Variants in CCT6A observed in about 807,000 individuals in gnomAD.
CCT6A encodes chaperonin containing TCP1 subunit 6A, also known as T-complex protein 1 subunit zeta.
In CCT6A, 6 loss-of-function variants were observed where a neutral mutation model predicts 58.6. The ratio of observed to expected loss-of-function variants is 0.10; its 90% confidence interval spans 0.06 to 0.20. The LOEUF (loss-of-function observed/expected upper bound fraction) is 0.20. Among genes scored for constraint, CCT6A ranks in the 10% least tolerant of loss-of-function variants. CCT6A has a pLI of 1.00. For synonymous variants in CCT6A, 245 were observed against 227.8 expected (o/e 1.08, Z -0.68); for missense variants, 516 against 648.8 (o/e 0.80, Z 2.22).
chr7:56,061,071 A>G, intron 11 of CCT6A, 131 bp downstream of exon 11: 1 of 942,366 alleles, frequency 1.1e-6, no homozygotes, highest in Non-Finnish European at 1.5e-6. Flanking sequence ...ACTCTAGAAC[A>G]GGTATTCCTC....
Position 56,055,636 on chromosome 7 carries a change from A to G in CCT6A, c.349A>G (p.Arg117Gly). 6.2e-7 allele frequency: 1 copy of G among 1,613,644 alleles called. No individual in the cohort carries two copies. Among genetic ancestry groups the G allele is most frequent in the South Asian group, 1.1e-5 (1 of 91,046 alleles). The change falls in exon 4 of 14, where the codon AGA becomes GGA. Residue 117 changes from arginine to glycine, a missense_variant. By Grantham distance (125) the Arg-to-Gly change is moderately radical (BLOSUM62 -2). Coordinates refer to ENST00000275603, the MANE Select transcript of CCT6A (RefSeq NM_001762.4). Reference sequence around the variant, plus strand: ...GTGTTTATTTTAGGGCCTTCATCCTAGAATAATCACTGAAGGATTTGAAGC... The same window carrying G: ...GTGTTTATTTTAGGGCCTTCATCCTGGAATAATCACTGAAGGATTTGAAGC... ...DLYISEGLHP[R>G]IITEGFEAAK...
In CCT6A at chr7:56,055,922, A is replaced by G. The variant is rs186348811; in HGVS notation, c.510+125A>G. On this transcript the variant is annotated intron_variant, in intron 4 of 13. Coordinates refer to ENST00000275603, the MANE Select transcript of CCT6A (RefSeq NM_001762.4). ...GCTGTGTAGGTTCATTTTTGTGGCAATGATACCTAATCTGTGTCTCTAAAA... is the reference window on the plus strand; with the variant it reads ...GCTGTGTAGGTTCATTTTTGTGGCAGTGATACCTAATCTGTGTCTCTAAAA... 1.8e-4 allele frequency: 118 copies of G among 658,508 alleles called. No individual in the cohort carries two copies. The African/African-American group carries it at 1.8e-3, about 10-fold the overall frequency. The allele number at this position is 658,508 out of a possible 1,614,324, so 40.8% of individuals were successfully genotyped here.
chr7:56,061,864 C>T lies in CCT6A; in HGVS notation c.1450+15C>T, dbSNP rs373766036. Reference sequence around the variant, plus strand: ...CCTGAACACAGGTAAGAGAATGCAACTGTTGTAGAGGGAAAACTAGATGTA... The same window carrying T: ...CCTGAACACAGGTAAGAGAATGCAATTGTTGTAGAGGGAAAACTAGATGTA... On this transcript the variant is annotated intron_variant, in intron 12 of 13. Coordinates refer to ENST00000275603, the MANE Select transcript of CCT6A (RefSeq NM_001762.4). 1.9e-4 allele frequency: 271 copies of T among 1,406,072 alleles called. No homozygotes were observed. Among genetic ancestry groups the T allele is most frequent in the Non-Finnish European group, 2.4e-4 (245 of 1,010,704 alleles). 87.1% of individuals were successfully genotyped at this position (1,406,072 alleles called of 1,614,324 possible). A position where few individuals can be genotyped will look rare whatever the true frequency, so the allele number is the denominator to read the frequency against.
At chr7:56,056,076 CGAG>C (rs142835226) in intron 4 of CCT6A, among the ~76,000 whole-genome samples, 3,133 of 152,036 alleles carry the variant, frequency 0.021, 86 homozygotes, top group African/African-American at 0.069. Context: ...TTTAATAAAA[CGAG>C]GAATGTTAAT....
At chr7:56,060,228 A>G in intron 9 of CCT6A, 41 bp from the exon 10 acceptor site, 1 of 1,583,796 alleles carries the variant, frequency 6.3e-7, no homozygotes, top group Non-Finnish European at 8.7e-7. Flanking sequence ...TTCACTCTGC[A>G]CAAATCCTGT....
At chr7:56,059,725 C>T (rs1794392616) in intron 9 of CCT6A, 85 bp downstream of exon 9, 2 of 710,554 alleles carry the variant, frequency 2.8e-6, no homozygotes, top group Non-Finnish European at 5.1e-6. Context: ...GGGTCTCACT[C>T]CTGCCCGGGC....
rs1262006371 is a variant in CCT6A at position 56,062,729 on chromosome 7, T to C, written c.1497T>C (p.Cys499=). 3 of 1,612,218 alleles carry C rather than the reference T, an allele frequency of 1.9e-6. No homozygotes were observed. Among genetic ancestry groups the C allele is most frequent in the Non-Finnish European group, 2.5e-6 (3 of 1,179,464 alleles). ...AAGTAGGCGTATGGGATAACTATTGTGTAAAGAAACAGCTTCTTCACTCCT... is the reference window on the plus strand; with the variant it reads ...AAGTAGGCGTATGGGATAACTATTGCGTAAAGAAACAGCTTCTTCACTCCT... ...AAEVGVWDNY[C]VKKQLLHSCT... The change falls in exon 13 of 14, where the codon TGT becomes TGC. Residue 499 remains cysteine (C), a synonymous_variant. Coordinates refer to ENST00000275603, the MANE Select transcript of CCT6A (RefSeq NM_001762.4).
Position 56,062,639 on chromosome 7 carries a change from GTTC to G in CCT6A, c.1451-41_1451-39del, listed in dbSNP as rs768925150. ...AGCAAAGCTGCACACAATATTGTTG[GTTC>G]TTACTGACTGAACTTATTTTAAGAT... is the stretch of plus-strand genomic sequence containing the variant. On this transcript the variant is annotated intron_variant, in intron 12 of 13. Transcript: ENST00000275603. 4.7e-6 allele frequency: 7 copies of G among 1,481,486 alleles called. No homozygotes were observed. The African/African-American group carries it at 9.7e-5, about 20-fold the overall frequency. 91.8% of individuals were successfully genotyped at this position (1,481,486 alleles called of 1,614,324 possible).
intron 11 of CCT6A, among the ~76,000 whole-genome samples, chr7:56,061,468 C>T (rs533691693): frequency 6.8e-6 from 1 of 147,772 alleles, no homozygotes; most frequent in Non-Finnish European, 1.5e-5. Flanking sequence ...CTCAGCCTCT[C>T]GAGTAGCTGG....
chr7:56,052,350 C>A, intron 1 of CCT6A, 72 bp from the exon 2 acceptor site: 1 of 1,399,614 alleles, frequency 7.1e-7, no homozygotes, highest in Non-Finnish European at 1.0e-6. Flanking sequence ...CTGGGAAAAG[C>A]CCGTTTTCTA....
At chr7:56,053,805 G>A (rs1030672963) in intron 2 of CCT6A, among the ~76,000 whole-genome samples, 12 of 152,222 alleles carry the variant, frequency 7.9e-5, no homozygotes, top group African/African-American at 1.9e-4. Flanking sequence ...GAAATACAGC[G>A]TAGGTAGAGA....
intron 3 of CCT6A, 190 bp from the exon 4 acceptor site, chr7:56,055,434 C>G: frequency 2.9e-6 from 2 of 678,216 alleles, no homozygotes; most frequent in African/African-American, 1.8e-5. Flanking sequence ...GCATTCATTA[C>G]CTGTTCATCT....
At chr7:56,061,019 A>C in intron 11 of CCT6A, 79 bp downstream of exon 11, 1 of 1,469,972 alleles carries the variant, frequency 6.8e-7, no homozygotes, top group East Asian at 2.3e-5. Flanking sequence ...TTTATTCATA[A>C]AGTGGATTTT....
intron 3 of CCT6A, 82 bp from the exon 4 acceptor site, chr7:56,055,542 C>T: frequency 4.3e-6 from 5 of 1,167,392 alleles, no homozygotes; most frequent in Admixed American, 1.8e-5. Context: ...CCAGAACACT[C>T]CTTCAATAAT....
intron 4 of CCT6A, 104 bp from the exon 5 acceptor site, chr7:56,056,207 A>G: frequency 1.4e-6 from 1 of 735,396 alleles, no homozygotes; most frequent in Non-Finnish European, 2.5e-6. Flanking sequence ...GACTTAAATC[A>G]GTGTAGAATT....
chr7:56,060,470 G>A, intron 10 of CCT6A, 54 bp downstream of exon 10: 2 of 1,567,000 alleles, frequency 1.3e-6, no homozygotes, highest in South Asian at 1.1e-5. Flanking sequence ...GGTCTGAAAG[G>A]CATGGCCGAA....
chr7:56,061,305 G>A (rs1283254532), intron 11 of CCT6A, among the ~76,000 whole-genome samples: 8 of 151,646 alleles, frequency 5.3e-5, no homozygotes, highest in Non-Finnish European at 1.2e-4. Flanking sequence ...GTAGTTGAGA[G>A]AGTTGATCAG....
chr7:56,052,558 C>T, intron 2 of CCT6A, 73 bp downstream of exon 2: 1 of 1,271,258 alleles, frequency 7.9e-7, no homozygotes, highest in Non-Finnish European at 1.2e-6. Context: ...GAAAGATTTG[C>T]AGTGTCCATT....
intron 2 of CCT6A, among the ~76,000 whole-genome samples, chr7:56,053,233 A>T (rs1794222310): frequency 6.6e-6 from 1 of 152,228 alleles, no homozygotes; most frequent in African/African-American, 2.4e-5. Context: ...TCATCCCTAA[A>T]TTCCCAAAAC....
Sources: gnomAD v4.1 joint callset for allele counts (sites outside exome capture counted in the v4.1 genomes callset) on GRCh38, gnomAD v4.1.1 for gene constraint, MANE v1.5 for transcripts, NCBI Gene and HGNC (gene_info 2026-07-23, HGNC 2026-07-21) for gene names.